The following SPTBN1 variants were observed in gnomAD, a reference collection of about 807,000 sequenced individuals.
The protein encoded by SPTBN1 is spectrin beta chain, non-erythrocytic 1.
SPTBN1 carries 32 observed loss-of-function variants against 266.4 expected under a neutral mutation model. The observed-to-expected ratio is 0.12, with a 90% CI of 0.09 to 0.16. The LOEUF (loss-of-function observed/expected upper bound fraction) is 0.16, where lower values mean the gene tolerates loss of function less well. Ranked by LOEUF, SPTBN1 falls within the 10% of genes least tolerant of loss-of-function variation. The pLI, the probability that SPTBN1 is intolerant of heterozygous loss-of-function variation, is 1.00. For missense variants in SPTBN1, 2,296 were observed against 3,067.1 expected (o/e 0.75, Z 5.94); for synonymous variants, 1,336 against 1,162.2 (o/e 1.15, Z -3.04).
At chr2:54,580,688 GA>G (rs1372150846) in intron 2 of SPTBN1, among the ~76,000 whole-genome samples, 1 of 152,004 alleles carries the variant, frequency 6.6e-6, no homozygotes, top group Non-Finnish European at 1.5e-5. Context: ...AGTTAATTCT[GA>G]AAGGGTTAGG....
chr2:54,552,812 C>G (rs1297395424), intron 2 of SPTBN1, among the ~76,000 whole-genome samples: 1 of 152,208 alleles, frequency 6.6e-6, no homozygotes, highest in Non-Finnish European at 1.5e-5. Context: ...AGCCCTGATT[C>G]AAATGCTTAC....
At chr2:54,559,421 C>G (rs1553447038) in intron 2 of SPTBN1, among the ~76,000 whole-genome samples, 1 of 152,098 alleles carries the variant, frequency 6.6e-6, no homozygotes, top group Non-Finnish European at 1.5e-5. Flanking sequence ...AAGAGCCTTC[C>G]CATCTATTTA....
At chr2:54,570,519 G>T (rs565378450) in intron 2 of SPTBN1, among the ~76,000 whole-genome samples, 1 of 152,160 alleles carries the variant, frequency 6.6e-6, no homozygotes, top group Admixed American at 6.5e-5. Context: ...TACATAGGTG[G>T]TATCTTTATT....
intron 3 of SPTBN1, among the ~76,000 whole-genome samples, chr2:54,604,161 C>G (rs943836419): frequency 6.6e-6 from 1 of 152,142 alleles, no homozygotes; most frequent in African/African-American, 2.4e-5. Flanking sequence ...CACCACAACC[C>G]TTGATAGTTG....
At chr2:54,660,363 A>G in intron 32 of SPTBN1, 2 of 1,196,002 alleles carry the variant, frequency 1.7e-6, no homozygotes, top group South Asian at 2.4e-5. Context: ...ATGAAATTAA[A>G]TGAGATTACA....
intron 4 of SPTBN1, 26 bp downstream of exon 4, chr2:54,612,360 C>T (rs777219223): frequency 2.5e-6 from 4 of 1,592,842 alleles, no homozygotes; most frequent in East Asian, 2.2e-5. Context: ...CAGGGTTGCT[C>T]AGAACTTAGG....
At position 54,653,496 on chromosome 2, in the gene SPTBN1, A is replaced by T. The variant is rs1680442607; in HGVS notation, c.5578-113A>T. On this transcript the variant is annotated intron_variant, in intron 26 of 35. Transcript: ENST00000356805. This position sits in a 1 kb window ranked among gnomAD's most constrained non-coding sequence, Gnocchi z 5.1. ...GAGGGCTCCTTAAGGGGCATGGGCCATATTTTGACTCTGTGCTCCCTTTAG... is the reference window on the plus strand; with the variant it reads ...GAGGGCTCCTTAAGGGGCATGGGCCTTATTTTGACTCTGTGCTCCCTTTAG... The T allele has an allele frequency of 1.3e-6, 2 of 1,498,728 alleles. No homozygotes were observed. Among genetic ancestry groups the T allele is most frequent in the Non-Finnish European group, 1.8e-6 (2 of 1,129,540 alleles). The allele number at this position is 1,498,728 out of a possible 1,614,324, so 92.8% of individuals were successfully genotyped here. A position where few individuals can be genotyped will look rare whatever the true frequency, so the allele number is the denominator to read the frequency against.
intron 26 of SPTBN1, among the ~76,000 whole-genome samples, 200 bp downstream of exon 26, chr2:54,650,189 A>G (rs1214278174): frequency 6.6e-6 from 1 of 152,260 alleles, no homozygotes; most frequent in Non-Finnish European, 1.5e-5. Context: ...CACATTTGTG[A>G]ACATTAGATG....
chr2:54,620,259 A>T (rs796743990), intron 7 of SPTBN1, among the ~76,000 whole-genome samples: 4 of 152,372 alleles, frequency 2.6e-5, no homozygotes, highest in African/African-American at 9.6e-5. Context: ...CCTGGCAAAA[A>T]GTGGACTATG....
At chr2:54,478,163 C>T (rs1307929862) in intron 1 of SPTBN1, among the ~76,000 whole-genome samples, 2 of 152,096 alleles carry the variant, frequency 1.3e-5, no homozygotes, top group African/African-American at 2.4e-5. Context: ...GCACCAGTTG[C>T]CACAGAGCTG....
intron 2 of SPTBN1, among the ~76,000 whole-genome samples, chr2:54,553,878 C>T (rs1672718283): frequency 6.6e-6 from 1 of 152,172 alleles, no homozygotes; most frequent in South Asian, 2.1e-4. Context: ...TTTCTTTCCC[C>T]TCAAGACTGT....
rs1679911125 is a variant in SPTBN1, at chr2:54,646,129, C to T, written c.4585-65C>T. 1.9e-6 allele frequency: 3 copies of T among 1,598,234 alleles called. No homozygotes were observed. The East Asian group carries it at 6.7e-5, about 36-fold the overall frequency. ...TGCTATTTCTTTCTGGCCCTAACAG[C>T]TTGACATAAGCAGCAGACGGCTGCC... is the stretch of plus-strand genomic sequence containing the variant. On this transcript the variant is annotated intron_variant, in intron 22 of 35. Coordinates refer to ENST00000356805, the MANE Select transcript of SPTBN1 (RefSeq NM_003128.3). The surrounding 1 kb of genome is among the most constrained non-coding windows in gnomAD (Gnocchi z 4.4).
intron 3 of SPTBN1, among the ~76,000 whole-genome samples, chr2:54,609,375 G>A (rs1036143290): frequency 6.6e-6 from 1 of 151,988 alleles, no homozygotes; most frequent in Non-Finnish European, 1.5e-5. Flanking sequence ...TCCTTCATTG[G>A]CTCTGTCATA....
intron 2 of SPTBN1, among the ~76,000 whole-genome samples, chr2:54,556,727 A>C (rs1672905034): frequency 6.6e-6 from 1 of 151,968 alleles, no homozygotes; most frequent in South Asian, 2.1e-4. Context: ...GGAGGGGTGC[A>C]TTTTGAAGAA....
At chr2:54,480,306 A>G (rs971243406) in intron 1 of SPTBN1, among the ~76,000 whole-genome samples, 3 of 152,180 alleles carry the variant, frequency 2.0e-5, no homozygotes, top group Non-Finnish European at 2.9e-5. Flanking sequence ...GCCTCTTTTA[A>G]AAGTTGGATT....
Position 54,459,899 on chromosome 2 carries a change from C to T in SPTBN1, c.-48+3381C>T, listed in dbSNP as rs12615914. On this transcript the variant is annotated intron_variant, in intron 1 of 35. Transcript: ENST00000356805. ...GACCTAGTTTAGTACTCTGATTTTT[C>T]CGGTAGCACTTGTAATTATATTTAA... is the stretch of plus-strand genomic sequence containing the variant. Among the ~76,000 whole-genome samples, 159 of 152,202 alleles carry T rather than the reference C, an allele frequency of 1.0e-3. No homozygotes were observed. In the East Asian group the frequency reaches 0.012, roughly 12 times the overall value.
At chr2:54,634,411 G>A (rs1678971536) in intron 17 of SPTBN1, among the ~76,000 whole-genome samples, 1 of 152,168 alleles carries the variant, frequency 6.6e-6, no homozygotes, top group African/African-American at 2.4e-5. Flanking sequence ...GGATTCCTCA[G>A]TTTTAAAAAT....
intron 2 of SPTBN1, among the ~76,000 whole-genome samples, chr2:54,538,959 C>T (rs1263800812): frequency 6.6e-6 from 1 of 152,210 alleles, no homozygotes; most frequent in Non-Finnish European, 1.5e-5. Context: ...GCTCTCCCCA[C>T]TGCCTCCACT....
chr2:54,596,273 A>G (rs1452520216), intron 2 of SPTBN1, among the ~76,000 whole-genome samples: 2 of 152,176 alleles, frequency 1.3e-5, no homozygotes, highest in African/African-American at 4.8e-5. Flanking sequence ...GTGCCTTCCC[A>G]GGATAGGTGG....
Sources: gnomAD v4.1 joint callset for allele counts (sites outside exome capture counted in the v4.1 genomes callset) on GRCh38, gnomAD v4.1.1 for gene constraint, Gnocchi (gnomAD v3.1) non-coding constraint, MANE v1.5 for transcripts, NCBI Gene and HGNC (gene_info 2026-07-23, HGNC 2026-07-21) for gene names.